The following LHFPL6 variants were observed in gnomAD, a reference collection of about 807,000 sequenced individuals.
The protein encoded by LHFPL6 is LHFPL tetraspan subfamily member 6, also known as LHFPL tetraspan subfamily member 6 protein.
LHFPL6 carries 9 observed loss-of-function variants against 20.6 expected under a neutral mutation model. The ratio of observed to expected loss-of-function variants is 0.44; its 90% CI spans 0.26 to 0.76. The LOEUF is 0.76. Ranked by LOEUF, LHFPL6 falls within the 30% of genes least tolerant of loss-of-function variation. LHFPL6 has a pLI of 0.20. For synonymous variants in LHFPL6, 105 were observed against 98.7 expected, an observed-to-expected ratio of 1.06 and a Z score of -0.38; for missense variants, 218 against 253.5, an observed-to-expected ratio of 0.86 and a Z score of 0.95.
chr13:39,494,760 T>C lies in LHFPL6; in HGVS notation c.385+106072A>G, dbSNP rs376582246. On this transcript the variant is annotated intron_variant, in intron 2 of 3. Transcript: ENST00000379589. ...ATAGTCATTTAAGATTTAATTGGAATCAAATGTGCCACACTTACCATACTG... is the reference window on the plus strand; with the variant it reads ...ATAGTCATTTAAGATTTAATTGGAACCAAATGTGCCACACTTACCATACTG... 3.3e-5 allele frequency among the ~76,000 whole-genome samples: 5 copies of C among 152,316 alleles called. No homozygotes were observed. The South Asian group carries it at 6.2e-4, about 19-fold the overall frequency.
intron 2 of LHFPL6, among the ~76,000 whole-genome samples, chr13:39,421,032 T>C (rs1377308479): frequency 1.3e-5 from 2 of 152,172 alleles, no homozygotes; most frequent in Non-Finnish European, 2.9e-5. Flanking sequence ...ATCATTTCTG[T>C]TTTGCCAGGA....
At chr13:39,463,738 T>C (rs1338376641) in intron 2 of LHFPL6, among the ~76,000 whole-genome samples, 21 of 152,162 alleles carry the variant, frequency 1.4e-4, no homozygotes, top group Admixed American at 1.2e-3. Context: ...TCATTCTTTA[T>C]AGTGGGGAAT....
intron 2 of LHFPL6, among the ~76,000 whole-genome samples, chr13:39,579,136 A>T (rs1373377453): frequency 6.6e-6 from 1 of 152,178 alleles, no homozygotes; most frequent in Non-Finnish European, 1.5e-5. Context: ...TACAGGGAGC[A>T]GCCAAGGTAT....
chr13:39,429,433 T>C (rs1359407920), intron 2 of LHFPL6, among the ~76,000 whole-genome samples: 1 of 152,194 alleles, frequency 6.6e-6, no homozygotes, highest in Non-Finnish European at 1.5e-5. Context: ...CAGCCTTCTC[T>C]TGATTAGTGT....
chr13:39,519,503 C>T (rs1005396443), intron 2 of LHFPL6, among the ~76,000 whole-genome samples: 2 of 152,150 alleles, frequency 1.3e-5, no homozygotes, highest in Non-Finnish European at 2.9e-5. Context: ...TTCATCTCTC[C>T]CTCAGTCTGC....
At chr13:39,473,960 AG>A (rs1873013111) in intron 2 of LHFPL6, among the ~76,000 whole-genome samples, 2 of 152,254 alleles carry the variant, frequency 1.3e-5, no homozygotes, top group South Asian at 4.1e-4. Context: ...ATGACCATCC[AG>A]TAAATTTCCA....
chr13:39,591,861 T>A (rs902446061), intron 2 of LHFPL6, among the ~76,000 whole-genome samples: 1 of 152,150 alleles, frequency 6.6e-6, no homozygotes. Flanking sequence ...TTTGGGAGAC[T>A]GAGGCGGGTG....
At chr13:39,365,254 C>A (rs970514752) in intron 3 of LHFPL6, among the ~76,000 whole-genome samples, 1 of 152,136 alleles carries the variant, frequency 6.6e-6, no homozygotes, top group Non-Finnish European at 1.5e-5. Context: ...TGAAGAGGTG[C>A]TGCATTTCCT....
chr13:39,352,238 A>C (rs1447560597), intron 3 of LHFPL6, among the ~76,000 whole-genome samples: 2 of 152,246 alleles, frequency 1.3e-5, no homozygotes, highest in Non-Finnish European at 2.9e-5. Flanking sequence ...ATATGGTCCC[A>C]GACTGAATGT....
Position 39,343,602 on chromosome 13 carries a change from GTT to G in LHFPL6, c.*332_*333del, listed in dbSNP as rs1491255770. 2.3e-5 allele frequency: 4 copies of G among 176,682 alleles called. No homozygotes were observed. Among genetic ancestry groups the G allele is most frequent in the Admixed American group, 2.0e-4 (2 of 10,002 alleles). The allele number at this position is 176,682 out of a possible 1,614,324, so 10.9% of individuals were successfully genotyped here. A position where few individuals can be genotyped will look rare whatever the true frequency, so the allele number is the denominator to read the frequency against. ...AACCCTTGTTTGTATATGTAGATTT[GTT>G]GTGTGTGTGTGTGTGTGTGTGTGTG... On this transcript the variant is annotated 3_prime_UTR_variant, in exon 4 of 4. Coordinates refer to ENST00000379589, the MANE Select transcript of LHFPL6 (RefSeq NM_005780.3).
intron 3 of LHFPL6, among the ~76,000 whole-genome samples, chr13:39,345,684 C>T (rs1033016024): frequency 6.6e-6 from 1 of 152,022 alleles, no homozygotes; most frequent in Admixed American, 6.6e-5. Context: ...GCGTAGATAA[C>T]CCCCCATAAA....
At chr13:39,535,047 C>T (rs1485359020) in intron 2 of LHFPL6, among the ~76,000 whole-genome samples, 13 of 152,180 alleles carry the variant, frequency 8.5e-5, no homozygotes, top group Admixed American at 2.0e-4. Context: ...CTCACACCCC[C>T]GGGCCTTTCT....
intron 2 of LHFPL6, among the ~76,000 whole-genome samples, chr13:39,511,702 C>T (rs376479882): frequency 8.9e-4 from 136 of 152,268 alleles, no homozygotes; most frequent in South Asian, 3.5e-3. Context: ...AATCAATCAC[C>T]AATTTAAAGT....
chr13:39,601,277 G>T lies in LHFPL6; in HGVS notation c.-61C>A. The stretch of plus-strand genomic sequence containing the variant: ...GTGTTCAGGGACTGCAGGAGTGAAT[G>T]AAGGTGTGAAATCACCAGGGACCCA... On this transcript the variant is annotated 5_prime_UTR_variant, in exon 2 of 4. Coordinates refer to ENST00000379589, the MANE Select transcript of LHFPL6 (RefSeq NM_005780.3). 6.6e-7 allele frequency: 1 copy of T among 1,504,044 alleles called. No individual in the cohort carries two copies. The highest frequency in any genetic ancestry group is 8.9e-7 in the Non-Finnish European group (1 of 1,118,218). The allele number at this position is 1,504,044 out of a possible 1,614,324, so 93.2% of individuals were successfully genotyped here.
At chr13:39,454,792 T>C (rs1303267570) in intron 2 of LHFPL6, among the ~76,000 whole-genome samples, 16 of 152,238 alleles carry the variant, frequency 1.1e-4, no homozygotes, top group Non-Finnish European at 4.4e-5. Context: ...GAATGAATTA[T>C]TATACATATT....
chr13:39,366,623 A>G (rs946913689), intron 3 of LHFPL6, among the ~76,000 whole-genome samples: 2 of 152,218 alleles, frequency 1.3e-5, no homozygotes, highest in Admixed American at 6.5e-5. Context: ...TTATACTATC[A>G]CAATTTTGTG....
At chr13:39,368,308 G>GAAAAAAAAAAAATA (rs1333271982) in intron 3 of LHFPL6, among the ~76,000 whole-genome samples, 1 of 152,034 alleles carries the variant, frequency 6.6e-6, no homozygotes, top group East Asian at 1.9e-4. Flanking sequence ...TACAGGCTGG[G>GAAAAAAAAAAAATA]CATGGTGGCT....
intron 2 of LHFPL6, among the ~76,000 whole-genome samples, chr13:39,430,269 T>G (rs1871757926): frequency 6.6e-6 from 1 of 152,216 alleles, no homozygotes; most frequent in Non-Finnish European, 1.5e-5. Context: ...TGAAGAAAGT[T>G]GACTCACTCA....
At chr13:39,489,243 C>T (rs958127807) in intron 2 of LHFPL6, among the ~76,000 whole-genome samples, 1 of 152,126 alleles carries the variant, frequency 6.6e-6, no homozygotes, top group African/African-American at 2.4e-5. Context: ...GTCTAGGAAC[C>T]TTGAGGAATT....
Sources: gnomAD v4.1 joint callset for allele counts (sites outside exome capture counted in the v4.1 genomes callset) on GRCh38, gnomAD v4.1.1 for gene constraint, MANE v1.5 for transcripts, NCBI Gene and HGNC (gene_info 2026-07-23, HGNC 2026-07-21) for gene names.